Variants in PUM2 observed in about 807,000 individuals in gnomAD.
PUM2 encodes the protein pumilio RNA binding family member 2, also known as pumilio homolog 2.
PUM2 carries 57 observed loss-of-function variants against 124.5 expected under a neutral mutation model. The observed-to-expected ratio is 0.46, with a 90% CI of 0.37 to 0.57. PUM2 has a LOEUF of 0.57. Ranked by LOEUF, PUM2 falls within the 20% of genes least tolerant of loss-of-function variation. PUM2 has a pLI of 0.00. For synonymous variants in PUM2, 460 were observed against 446.1 expected (o/e 1.03, Z -0.39); for missense variants, 1,065 against 1,290.6 (o/e 0.83, Z 2.68).
rs1041932921 is a variant in PUM2 at position 20,251,171 on chromosome 2, C to T, written c.*414G>A. On this transcript the variant is annotated 3_prime_UTR_variant, in exon 21 of 21. Coordinates refer to ENST00000361078, the MANE Select transcript of PUM2 (RefSeq NM_015317.5). The stretch of plus-strand genomic sequence containing the variant: ...ATAATTCTATATACATCTCTATAAA[C>T]CTGTTGTGCTATGGGGTTGTAGACC... 7 of 157,346 alleles carry T rather than the reference C, an allele frequency of 4.4e-5. No individual in the cohort carries two copies. The highest frequency in any genetic ancestry group is 1.7e-4 in the African/African-American group (7 of 41,452). 9.7% of individuals were successfully genotyped at this position (157,346 alleles called of 1,614,324 possible).
chr2:20,318,455 C>G, intron 3 of PUM2, 82 bp downstream of exon 3: 1 of 1,265,894 alleles, frequency 7.9e-7, no homozygotes, highest in Non-Finnish European at 1.1e-6. Context: ...AATTTGGAGA[C>G]TCACTCTAAA....
chr2:20,256,069 C>T lies in PUM2; in HGVS notation c.2586G>A (p.Gln862=). 6.3e-7 allele frequency: 1 copy of T among 1,595,026 alleles called. No homozygotes were observed. The highest frequency in any genetic ancestry group is 8.5e-7 in the Non-Finnish European group (1 of 1,173,452). The change falls in exon 17 of 21, where the codon CAG becomes CAA. Residue 862 remains glutamine (Q), a synonymous_variant. Coordinates refer to ENST00000361078, the MANE Select transcript of PUM2 (RefSeq NM_015317.5). ...AAGCATCAATGATGAACTGTAGTGA[C>T]TGTGGCTGAACACATTCGATACATT... The part of the protein sequence containing the change: ...VQKCIECVQP[Q]SLQFIIDAFK...
intron 10 of PUM2, among the ~76,000 whole-genome samples, chr2:20,285,383 C>A (rs1289694529): frequency 6.6e-6 from 1 of 152,178 alleles, no homozygotes; most frequent in Non-Finnish European, 1.5e-5. Flanking sequence ...TGCTCCAAAC[C>A]TTCCAAAGGG....
chr2:20,263,797 C>T (rs1447602653), intron 13 of PUM2, among the ~76,000 whole-genome samples: 5 of 152,070 alleles, frequency 3.3e-5, no homozygotes, highest in African/African-American at 1.2e-4. Context: ...CATTAACAAG[C>T]AAGTTTAAAT....
intron 13 of PUM2, among the ~76,000 whole-genome samples, chr2:20,274,614 T>A (rs1048151219): frequency 6.6e-6 from 1 of 152,008 alleles, no homozygotes; most frequent in Admixed American, 6.6e-5. Context: ...CCCCTTTCAA[T>A]AAATTTTACT....
rs544837736 is a variant in PUM2, at chr2:20,297,940, T to C, written c.884-262A>G. Among the ~76,000 whole-genome samples, 5 of 152,318 alleles carry C rather than the reference T, an allele frequency of 3.3e-5. No individual in the cohort carries two copies. In the East Asian group the frequency reaches 9.6e-4, roughly 29 times the overall value. On this transcript the variant is annotated intron_variant, in intron 7 of 20. Coordinates refer to ENST00000361078, the MANE Select transcript of PUM2 (RefSeq NM_015317.5). The stretch of plus-strand genomic sequence containing the variant: ...ATGACATAACTGTACTGTCTCGAGG[T>C]ATGTTATAGAAAATAAAAATATAAA...
intron 13 of PUM2, among the ~76,000 whole-genome samples, chr2:20,264,458 G>A (rs1245823724): frequency 1.5e-5 from 2 of 132,486 alleles, no homozygotes; most frequent in African/African-American, 5.7e-5. Flanking sequence ...ATTATTCCTA[G>A]AGCCTTATCA....
intron 13 of PUM2, among the ~76,000 whole-genome samples, chr2:20,275,054 T>C (rs1434018287): frequency 6.9e-6 from 1 of 144,490 alleles, no homozygotes; most frequent in African/African-American, 2.5e-5. Context: ...TAATACAACA[T>C]GAGAAAATAA....
At chr2:20,312,883 G>A (rs899315419) in intron 3 of PUM2, among the ~76,000 whole-genome samples, 5 of 152,076 alleles carry the variant, frequency 3.3e-5, no homozygotes, top group Non-Finnish European at 7.4e-5. Context: ...ATAGATCAAC[G>A]GAACAGAACA....
rs1572800393 is a variant in PUM2 at position 20,300,163 on chromosome 2, TTTTGAGA to T, written c.884-2492_884-2486del. Among the ~76,000 whole-genome samples, 6 of 152,168 alleles carry T rather than the reference TTTTGAGA, an allele frequency of 3.9e-5. 1 individual carries two copies. In the South Asian group the frequency reaches 8.3e-4, roughly 21 times the overall value. Reference sequence around the variant, plus strand: ...GTCCTTCAGGTTAAATTTTTTTTTTTTTTGAGACAGAGTTTCGCTCTTGTTGCCCAGG... The same window carrying T: ...GTCCTTCAGGTTAAATTTTTTTTTTTCAGAGTTTCGCTCTTGTTGCCCAGG... On this transcript the variant is annotated intron_variant, in intron 7 of 20. Transcript: ENST00000361078.
At position 20,263,365 on chromosome 2, in the gene PUM2, A is replaced by C. The variant is rs1475966553; in HGVS notation, c.2053T>G (p.Ser685Ala). Residue 685 changes from serine (S) to alanine (A), a missense_variant, in exon 14 of 21, where the codon TCC becomes GCC. This residue lies in a region of PUM2 where 968 missense variants were observed against 1,159.8 expected (regional missense o/e 0.83). Transcript: ENST00000361078. ...SASSTSSLFSSSSQLFPPSRL... is the reference protein window; with the variant it reads ...SASSTSSLFSASSQLFPPSRL... ...GAAGGAGGAAAGAGCTGGCTGCTGG[A>C]GCTAAATAGACTGGAAGTGCTTGAA... 1 of 1,614,082 alleles carries C rather than the reference A, an allele frequency of 6.2e-7. No homozygotes were observed. Among genetic ancestry groups the C allele is most frequent in the Admixed American group, 1.7e-5 (1 of 60,004 alleles).
At chr2:20,262,869 T>G (rs966816096) in intron 14 of PUM2, among the ~76,000 whole-genome samples, 1 of 152,188 alleles carries the variant, frequency 6.6e-6, no homozygotes, top group African/African-American at 2.4e-5. Flanking sequence ...GTTTGCTATA[T>G]TTTTTAAACA....
chr2:20,299,018 G>A (rs1676326357), intron 7 of PUM2, among the ~76,000 whole-genome samples: 1 of 152,146 alleles, frequency 6.6e-6, no homozygotes, highest in South Asian at 2.1e-4. Context: ...CAGCAGCTCT[G>A]CACACCTGTA....
Position 20,258,361 on chromosome 2 carries a change from A to T in PUM2, c.2366T>A (p.Leu789Gln). The T allele has an allele frequency of 6.2e-7, 1 of 1,612,230 alleles. No individual in the cohort carries two copies. The highest frequency in any genetic ancestry group is 8.5e-7 in the Non-Finnish European group (1 of 1,178,884). ...VIQKFFEFGS[L>Q]DQKLALATRI... ...AGTAGCCAGGGCTAATTTTTGATCC[A>T]GACTCCCAAACTGACAGAAAAGATA... is the stretch of plus-strand genomic sequence containing the variant. Residue 789 changes from leucine (L) to glutamine (Q), a missense_variant, in exon 16 of 21, where the codon CTG becomes CAG. Coordinates refer to ENST00000361078, the MANE Select transcript of PUM2 (RefSeq NM_015317.5).
At chr2:20,297,494 A>G in intron 8 of PUM2, 59 bp downstream of exon 8, 1 of 1,382,486 alleles carries the variant, frequency 7.2e-7, no homozygotes, top group Non-Finnish European at 9.6e-7. Context: ...TAAAGCTTAC[A>G]CCCAAAACTA....
rs531627425 is a variant in PUM2 at position 20,277,169 on chromosome 2, G to A, written c.1957+1414C>T. ...GAAACTTACCTATGAAAAGATGACA[G>A]GACATGACAAAATCTTAACAATAAA... is the stretch of plus-strand genomic sequence containing the variant. On this transcript the variant is annotated intron_variant, in intron 13 of 20. Transcript: ENST00000361078. 5.9e-5 allele frequency among the ~76,000 whole-genome samples: 9 copies of A among 152,152 alleles called. 3 individuals are homozygous for A. Among genetic ancestry groups the A allele is most frequent in the African/African-American group, 2.2e-4 (9 of 41,530 alleles).
chr2:20,329,540 G>A (rs1434196284), intron 1 of PUM2, among the ~76,000 whole-genome samples: 1 of 151,964 alleles, frequency 6.6e-6, no homozygotes, highest in East Asian at 1.9e-4. Context: ...GAAGAACAAA[G>A]AGAAGGCTGG....
At chr2:20,259,264 T>C (rs1665595938) in intron 15 of PUM2, among the ~76,000 whole-genome samples, 1 of 152,248 alleles carries the variant, frequency 6.6e-6, no homozygotes, top group African/African-American at 2.4e-5. Context: ...TTAAAGTGGT[T>C]CATGTTAAAA....
chr2:20,291,451 G>A (rs11096655), intron 9 of PUM2, among the ~76,000 whole-genome samples: 48,451 of 152,042 alleles, frequency 0.32, 8,567 homozygotes, highest in East Asian at 0.74. Context: ...TACTTTATCC[G>A]ACCGACTGCA....
Sources: allele counts gnomAD v4.1 joint callset (sites outside exome capture counted in the v4.1 genomes callset), GRCh38; gene constraint gnomAD v4.1.1; regional missense constraint gnomAD v4.1.1; transcripts MANE v1.5; gene names NCBI Gene and HGNC (gene_info 2026-07-23, HGNC 2026-07-21).